Variants in KAZN observed in about 807,000 individuals in gnomAD.
KAZN encodes the protein kazrin, periplakin interacting protein.
KAZN carries 40 observed loss-of-function variants against 87.4 expected under a neutral mutation model. That is an observed-to-expected ratio of 0.46 (90% CI 0.36 to 0.60). The LOEUF (loss-of-function observed/expected upper bound fraction) is 0.60. Ranked by LOEUF, KAZN falls within the 20% of genes least tolerant of loss-of-function variation. The pLI is 0.00. For synonymous variants in KAZN, 466 were observed against 458.3 expected (o/e 1.02, Z -0.22); for missense variants, 898 against 1,073.9 (o/e 0.84, Z 2.29).
chr1:14,217,470 T>C (rs546723833), intron 2 of KAZN, among the ~76,000 whole-genome samples: 23 of 151,326 alleles, frequency 1.5e-4, no homozygotes, highest in Admixed American at 3.9e-4. Context: ...AATTCCAAAT[T>C]AGGAAGATTT....
At chr1:14,905,925 T>C (rs935667588) in intron 1 of KAZN, among the ~76,000 whole-genome samples, 1 of 148,840 alleles carries the variant, frequency 6.7e-6, no homozygotes, top group African/African-American at 2.5e-5. Flanking sequence ...TCACAGCACT[T>C]TGGGAGGCCA....
At chr1:14,568,845 C>T (rs1461160625) in intron 2 of KAZN, among the ~76,000 whole-genome samples, 1 of 152,226 alleles carries the variant, frequency 6.6e-6, no homozygotes, top group East Asian at 1.9e-4. Flanking sequence ...GAAACTACGA[C>T]GGATCCGATG....
chr1:14,288,209 G>A (rs572155042), intron 2 of KAZN, among the ~76,000 whole-genome samples: 1 of 152,286 alleles, frequency 6.6e-6, no homozygotes, highest in African/African-American at 2.4e-5. Context: ...GAGTTAGGGA[G>A]GATTCCCTCT....
At chr1:14,092,236 GC>G (rs1323242409) in intron 1 of KAZN, among the ~76,000 whole-genome samples, 1 of 150,442 alleles carries the variant, frequency 6.6e-6, no homozygotes, top group Non-Finnish European at 1.5e-5. Flanking sequence ...GACTACAGGC[GC>G]CCACCACCAC....
At chr1:14,418,914 G>A (rs1665084381) in intron 2 of KAZN, among the ~76,000 whole-genome samples, 1 of 152,204 alleles carries the variant, frequency 6.6e-6, no homozygotes, top group Non-Finnish European at 1.5e-5. Context: ...ATGATGGCTG[G>A]ATGGGGGTTT....
intron 2 of KAZN, among the ~76,000 whole-genome samples, chr1:14,589,626 C>T (rs1676070536): frequency 6.6e-6 from 1 of 152,152 alleles, no homozygotes; most frequent in Non-Finnish European, 1.5e-5. Flanking sequence ...GATCTACGGC[C>T]GCTTCCTACT....
chr1:14,001,062 G>A (rs1051342239), intron 1 of KAZN, among the ~76,000 whole-genome samples: 6 of 152,134 alleles, frequency 3.9e-5, no homozygotes, highest in African/African-American at 1.2e-4. Flanking sequence ...GATTACAGGC[G>A]TGAGCCACCA....
intron 1 of KAZN, among the ~76,000 whole-genome samples, chr1:13,993,677 A>G (rs137876462): frequency 0.021 from 3,248 of 152,280 alleles, 108 homozygotes; most frequent in African/African-American, 0.074. Context: ...GGCTAGGTGA[A>G]TTCAAAACAA....
chr1:15,104,633 T>G (rs1446361866), intron 13 of KAZN, among the ~76,000 whole-genome samples: 2 of 152,072 alleles, frequency 1.3e-5, no homozygotes, highest in Non-Finnish European at 2.9e-5. Context: ...ATGGACCAGG[T>G]AAGCAGACCA....
chr1:14,927,526 G>A (rs1659301553), intron 1 of KAZN, among the ~76,000 whole-genome samples: 1 of 152,316 alleles, frequency 6.6e-6, no homozygotes, highest in Non-Finnish European at 1.5e-5. Flanking sequence ...GGACAGAGGA[G>A]CACGTTCTAG....
At chr1:14,501,080 AAAATAAATAAAT>A (rs148614828) in intron 2 of KAZN, among the ~76,000 whole-genome samples, 14,781 of 140,972 alleles carry the variant, frequency 0.1, 1,030 homozygotes, top group African/African-American at 0.18. Context: ...GCATCTGCAA[AAAATAAATAAAT>A]AAATAAATAA....
chr1:14,048,384 C>T (rs1049374524), intron 1 of KAZN, among the ~76,000 whole-genome samples: 4 of 145,478 alleles, frequency 2.7e-5, no homozygotes. Context: ...ACTAATGTCT[C>T]TAAAATACTT....
chr1:15,013,821 G>T (rs886572827), intron 2 of KAZN, among the ~76,000 whole-genome samples: 5 of 152,116 alleles, frequency 3.3e-5, no homozygotes, highest in African/African-American at 4.8e-5. Context: ...GGTGACTGAG[G>T]AGCTGAAGGA....
chr1:14,833,741 T>C (rs1306945986), intron 1 of KAZN, among the ~76,000 whole-genome samples: 1 of 152,080 alleles, frequency 6.6e-6, no homozygotes, highest in Non-Finnish European at 1.5e-5. Flanking sequence ...ATGAGAGCTC[T>C]CTTGTTCCTC....
intron 1 of KAZN, among the ~76,000 whole-genome samples, chr1:14,634,502 T>C (rs1419785001): frequency 2.0e-5 from 3 of 152,230 alleles, no homozygotes; most frequent in Middle Eastern, 3.2e-3. Context: ...CATCATTGCT[T>C]CTCATTTCTG....
chr1:13,908,734 T>C (rs974661817), intron 1 of KAZN, among the ~76,000 whole-genome samples: 7 of 152,170 alleles, frequency 4.6e-5, no homozygotes, highest in Non-Finnish European at 7.4e-5. Context: ...GTACTTCCCT[T>C]TCAAGGGTCA....
Position 14,952,037 on chromosome 1 carries a change from C to T in KAZN, c.227-8647C>T, listed in dbSNP as rs115080953. On this transcript the variant is annotated intron_variant, in intron 1 of 14. Transcript: ENST00000376030. ...TCTGTGAGCCTCAGGCGGGGACCACCGCAACCCTACATGGGGTCATGAGAT... is the reference window on the plus strand; with the variant it reads ...TCTGTGAGCCTCAGGCGGGGACCACTGCAACCCTACATGGGGTCATGAGAT... Among the ~76,000 whole-genome samples, 1,001 of 152,252 alleles carry T rather than the reference C, an allele frequency of 6.6e-3. 12 individuals carry two copies. Among genetic ancestry groups the T allele is most frequent in the African/African-American group, 0.023 (951 of 41,518 alleles).
At chr1:14,549,523 G>T (rs1673370305) in intron 2 of KAZN, among the ~76,000 whole-genome samples, 1 of 152,032 alleles carries the variant, frequency 6.6e-6, no homozygotes, top group Non-Finnish European at 1.5e-5. Context: ...TTGTGTTCAT[G>T]TCTCATCCTG....
In KAZN at chr1:14,119,290, CTTTT is replaced by C. The variant is rs111636144; in HGVS notation, c.92-61144_92-61141del. On this transcript the variant is annotated intron_variant, in intron 1 of 16. Transcript: ENST00000636203. Reference sequence around the variant, plus strand: ...AGAGCCTTTCCTTCCCATCCGTAGACTTTTATCGGGACTCATAAGCTCAGCCCAG... The same window carrying C: ...AGAGCCTTTCCTTCCCATCCGTAGACATCGGGACTCATAAGCTCAGCCCAG... Among the ~76,000 whole-genome samples the C allele has an allele frequency of 5.8e-3, 880 of 152,290 alleles. 8 individuals carry two copies. The highest frequency in any genetic ancestry group is 0.02 in the African/African-American group (818 of 41,548).
Sources: gnomAD v4.1 joint callset for allele counts (sites outside exome capture counted in the v4.1 genomes callset) on GRCh38, gnomAD v4.1.1 for gene constraint, MANE v1.5 for transcripts, NCBI Gene and HGNC (gene_info 2026-07-23, HGNC 2026-07-21) for gene names.